ROR1: variants seen among roughly 807,000 people sequenced by gnomAD.
ROR1 encodes the protein ROR family WNT receptor 1, also known as inactive tyrosine-protein kinase transmembrane receptor ROR1.
A neutral mutation model predicts 78.8 loss-of-function variants in ROR1; 19 were observed. That is an observed-to-expected ratio of 0.24 (90% CI 0.17 to 0.35). The LOEUF is 0.35. ROR1 is among the 10% of genes least tolerant of loss of function. The pLI is 1.00. For missense variants in ROR1, 917 were observed against 1,177.8 expected (o/e 0.78, Z 3.24); for synonymous variants, 386 against 433.6 (o/e 0.89, Z 1.36).
chr1:63,934,073 G>A (rs995983841), intron 1 of ROR1, among the ~76,000 whole-genome samples: 3 of 152,170 alleles, frequency 2.0e-5, no homozygotes, highest in Admixed American at 6.5e-5. Context: ...TGGTGGTGGT[G>A]AGGAGGTATG....
intron 1 of ROR1, among the ~76,000 whole-genome samples, chr1:63,920,586 A>G (rs1645646418): frequency 6.6e-6 from 1 of 152,200 alleles, no homozygotes; most frequent in South Asian, 2.1e-4. Flanking sequence ...TCAAATCAAA[A>G]GCAAGACGAG....
At chr1:63,894,013 A>G (rs1645420765) in intron 1 of ROR1, among the ~76,000 whole-genome samples, 2 of 152,040 alleles carry the variant, frequency 1.3e-5, no homozygotes, top group Admixed American at 1.3e-4. Flanking sequence ...TTTATAGTTT[A>G]TTGGCAAATC....
chr1:63,921,937 C>T lies in ROR1; in HGVS notation c.92-87368C>T, dbSNP rs74079505. 4.2e-3 allele frequency among the ~76,000 whole-genome samples: 642 copies of T among 152,276 alleles called. 7 individuals are homozygous for T. Among genetic ancestry groups the T allele is most frequent in the African/African-American group, 0.015 (627 of 41,552 alleles). On this transcript the variant is annotated intron_variant, in intron 1 of 8. Transcript: ENST00000371079. Reference sequence around the variant, plus strand: ...AATTAAAAAATATAGAGTCTGTCTTCAGCAGTAGGCAGGAAAGAGGGGGTA... The same window carrying T: ...AATTAAAAAATATAGAGTCTGTCTTTAGCAGTAGGCAGGAAAGAGGGGGTA...
chr1:64,151,313 C>A (rs1440460630), intron 7 of ROR1, among the ~76,000 whole-genome samples: 1 of 152,166 alleles, frequency 6.6e-6, no homozygotes, highest in African/African-American at 2.4e-5. Context: ...CCTCAGCAAC[C>A]CAGCAAGGAG....
chr1:63,942,270 A>G (rs971768133), intron 1 of ROR1, among the ~76,000 whole-genome samples: 6 of 152,176 alleles, frequency 3.9e-5, no homozygotes, highest in Non-Finnish European at 7.3e-5. Context: ...GATAAAAACA[A>G]TCCTGGCAGA....
intron 1 of ROR1, among the ~76,000 whole-genome samples, chr1:63,959,431 G>A (rs112324339): frequency 0.026 from 3,985 of 152,136 alleles, 176 homozygotes; most frequent in African/African-American, 0.091. Context: ...TCCTTTCACC[G>A]AGTGCTGACA....
chr1:63,971,200 C>G (rs1279372069), intron 1 of ROR1, among the ~76,000 whole-genome samples: 1 of 152,176 alleles, frequency 6.6e-6, no homozygotes, highest in African/African-American at 2.4e-5. Flanking sequence ...GAGCAAACCA[C>G]AACCCTTTCA....
chr1:63,849,903 T>A (rs1645103145), intron 1 of ROR1, among the ~76,000 whole-genome samples: 1 of 152,254 alleles, frequency 6.6e-6, no homozygotes, highest in South Asian at 2.1e-4. Flanking sequence ...ATTTTTTATT[T>A]GTTTCAGATT....
chr1:63,903,370 C>T (rs1300049598), intron 1 of ROR1, among the ~76,000 whole-genome samples: 2 of 151,534 alleles, frequency 1.3e-5, no homozygotes, highest in Non-Finnish European at 2.9e-5. Context: ...TCCACTCCCA[C>T]TTGATGATGT....
At chr1:64,146,214 G>A (rs978079889) in intron 7 of ROR1, among the ~76,000 whole-genome samples, 19 of 152,140 alleles carry the variant, frequency 1.2e-4, no homozygotes, top group Non-Finnish European at 2.2e-4. Flanking sequence ...GGTGGCTCAC[G>A]CCTGTAATCT....
At chr1:64,050,088 T>C in intron 3 of ROR1, 110 bp downstream of exon 3, 1 of 1,243,536 alleles carries the variant, frequency 8.0e-7, no homozygotes, top group Non-Finnish European at 1.1e-6. Context: ...GAGAATGTAC[T>C]CTGTGCCCAC....
chr1:64,143,576 T>C (rs1371767540), intron 7 of ROR1, among the ~76,000 whole-genome samples: 1 of 152,100 alleles, frequency 6.6e-6, no homozygotes, highest in Non-Finnish European at 1.5e-5. Flanking sequence ...GGACCCACAA[T>C]ACAAAGTGAG....
intron 1 of ROR1, among the ~76,000 whole-genome samples, chr1:63,859,726 A>G (rs1645168540): frequency 6.6e-6 from 1 of 152,152 alleles, no homozygotes; most frequent in Non-Finnish European, 1.5e-5. Flanking sequence ...CCCTCACTGT[A>G]CAGCTGGTCA....
intron 1 of ROR1, among the ~76,000 whole-genome samples, chr1:63,898,041 G>T (rs962473647): frequency 6.6e-6 from 1 of 152,184 alleles, no homozygotes; most frequent in Non-Finnish European, 1.5e-5. Context: ...TCTGTTGTCT[G>T]CTACATTTAG....
At chr1:64,151,600 C>G (rs187940619) in intron 7 of ROR1, among the ~76,000 whole-genome samples, 1 of 151,948 alleles carries the variant, frequency 6.6e-6, no homozygotes, top group South Asian at 2.1e-4. Context: ...GGGCTGGGCT[C>G]GGTGGCTTAT....
intron 4 of ROR1, among the ~76,000 whole-genome samples, chr1:64,069,834 G>A (rs1646987958): frequency 6.6e-6 from 1 of 152,002 alleles, no homozygotes; most frequent in African/African-American, 2.4e-5. Flanking sequence ...TTATTATTGT[G>A]GTAAACTATA....
At chr1:63,826,269 T>C (rs683574) in intron 1 of ROR1, among the ~76,000 whole-genome samples, 52,511 of 151,888 alleles carry the variant, frequency 0.35, 12,539 homozygotes, top group African/African-American at 0.69. Flanking sequence ...CTATATGCCC[T>C]AGTGTGTTGT....
intron 4 of ROR1, among the ~76,000 whole-genome samples, chr1:64,109,483 C>G (rs1339063163): frequency 1.3e-5 from 2 of 152,104 alleles, no homozygotes; most frequent in Non-Finnish European, 2.9e-5. Context: ...CATTCCTGCA[C>G]TTATGATGTG....
chr1:64,035,389 A>G (rs1414329860), intron 2 of ROR1, among the ~76,000 whole-genome samples: 2 of 152,186 alleles, frequency 1.3e-5, no homozygotes, highest in African/African-American at 2.4e-5. Context: ...TGGACTTTAT[A>G]TGCGATACCT....
Sources: allele counts gnomAD v4.1 joint callset (sites outside exome capture counted in the v4.1 genomes callset), GRCh38; gene constraint gnomAD v4.1.1; transcripts MANE v1.5; gene names NCBI Gene and HGNC (gene_info 2026-07-23, HGNC 2026-07-21).